CDK14: variants seen among roughly 807,000 people sequenced by gnomAD.
CDK14 encodes the protein cyclin-dependent kinase 14.
A neutral mutation model predicts 60.7 loss-of-function variants in CDK14; 34 were observed. That is an observed-to-expected ratio of 0.56 (90% CI 0.43 to 0.75). The LOEUF (loss-of-function observed/expected upper bound fraction) is 0.75, where lower values mean the gene tolerates loss of function less well. Ranked by LOEUF, CDK14 falls within the 30% of genes least tolerant of loss-of-function variation. The pLI, the probability that CDK14 is intolerant of heterozygous loss-of-function variation, is 0.00. For synonymous variants in CDK14, 197 were observed against 203.7 expected, an observed-to-expected ratio of 0.97 and a Z score of 0.28; for missense variants, 482 against 564.1, an observed-to-expected ratio of 0.85 and a Z score of 1.47.
chr7:91,173,116 G>A (rs1252257342), intron 14 of CDK14, among the ~76,000 whole-genome samples: 1 of 152,176 alleles, frequency 6.6e-6, no homozygotes. Context: ...GTCTTGAGCT[G>A]TGCAAACTTC....
intron 10 of CDK14, among the ~76,000 whole-genome samples, chr7:90,999,086 T>C (rs925044328): frequency 1.3e-5 from 2 of 151,976 alleles, no homozygotes. Flanking sequence ...AGTTCCATCA[T>C]GGGGGAGTTT....
At chr7:91,098,535 A>G (rs1309830173) in intron 12 of CDK14, among the ~76,000 whole-genome samples, 1 of 149,512 alleles carries the variant, frequency 6.7e-6, no homozygotes, top group African/African-American at 2.4e-5. Flanking sequence ...GAGAAAAAAA[A>G]AAAGAAATAA....
chr7:91,193,865 C>A (rs1369179646), intron 14 of CDK14, among the ~76,000 whole-genome samples: 1 of 152,144 alleles, frequency 6.6e-6, no homozygotes, highest in Non-Finnish European at 1.5e-5. Flanking sequence ...TCGTTACTCA[C>A]AGTTTTATGT....
chr7:90,603,340 A>G (rs183016193), intron 1 of CDK14, among the ~76,000 whole-genome samples: 10 of 152,314 alleles, frequency 6.6e-5, no homozygotes, highest in Admixed American at 6.5e-4. Flanking sequence ...TGGTCCCGCA[A>G]GTTTACAATA....
chr7:91,096,668 T>A lies in CDK14; in HGVS notation c.1155-15874T>A, dbSNP rs181354870. On this transcript the variant is annotated intron_variant, in intron 12 of 14. Transcript: ENST00000380050. ...AGCTCTTTTTTCCCTAAATTTGAAG[T>A]CTTGTTTTCTCCTCTTTTAATGGAA... 3.3e-5 allele frequency among the ~76,000 whole-genome samples: 5 copies of A among 152,318 alleles called. No homozygotes were observed. In the East Asian group the frequency reaches 5.8e-4, roughly 18 times the overall value.
At chr7:90,751,391 C>T (rs948168205) in intron 4 of CDK14, among the ~76,000 whole-genome samples, 7 of 152,178 alleles carry the variant, frequency 4.6e-5, no homozygotes, top group African/African-American at 1.2e-4. Flanking sequence ...AAATAAATCT[C>T]GGCCAAGAAT....
intron 12 of CDK14, among the ~76,000 whole-genome samples, chr7:91,083,693 A>T (rs1798545692): frequency 6.6e-6 from 1 of 152,198 alleles, no homozygotes; most frequent in South Asian, 2.1e-4. Context: ...GAAATTGCAG[A>T]TAGGATTCTT....
chr7:91,118,104 C>G lies in CDK14; in HGVS notation c.1334C>G (p.Pro445Arg). The G allele has an allele frequency of 6.2e-7, 1 of 1,613,350 alleles. No homozygotes were observed. Among genetic ancestry groups the G allele is most frequent in the Non-Finnish European group, 8.5e-7 (1 of 1,179,480 alleles). The stretch of plus-strand genomic sequence containing the variant: ...ACTGTCCCAAATGTGAGATTGCAAC[C>G]AGAAGCTGGAGAAAGCATGCGGGCC... ...IFTVPNVRLQ[P>R]EAGESMRAFG... is the part of the protein sequence containing the mutation. Residue 445 changes from proline (P) to arginine (R), a missense_variant, in exon 14 of 15, where the codon CCA becomes CGA. Coordinates refer to ENST00000380050, the MANE Select transcript of CDK14 (RefSeq NM_001287135.2).
At chr7:90,761,925 G>C (rs1804328355) in intron 4 of CDK14, among the ~76,000 whole-genome samples, 1 of 152,180 alleles carries the variant, frequency 6.6e-6, no homozygotes, top group Non-Finnish European at 1.5e-5. Context: ...CAGGTCCCCT[G>C]TTTTTATTAA....
At chr7:90,603,070 T>A (rs2037271721) in intron 1 of CDK14, among the ~76,000 whole-genome samples, 1 of 152,230 alleles carries the variant, frequency 6.6e-6, no homozygotes, top group African/African-American at 2.4e-5. Context: ...TTCCAATAGC[T>A]ACCCAAGTGC....
chr7:90,713,737 G>A (rs150883174), intron 2 of CDK14, among the ~76,000 whole-genome samples: 124 of 151,850 alleles, frequency 8.2e-4, no homozygotes, highest in Non-Finnish European at 1.7e-3. Flanking sequence ...AAGTCCCAGG[G>A]GACATGTACG....
intron 2 of CDK14, among the ~76,000 whole-genome samples, chr7:90,624,254 AT>A (rs1799831334): frequency 6.6e-6 from 1 of 152,152 alleles, no homozygotes; most frequent in African/African-American, 2.4e-5. Flanking sequence ...AAAGGTCAGG[AT>A]TTAAAGACAT....
chr7:90,733,342 T>C (rs112366028), intron 3 of CDK14, among the ~76,000 whole-genome samples: 23,597 of 152,162 alleles, frequency 0.16, 1,942 homozygotes, highest in Middle Eastern at 0.25. Context: ...TCTGTAGATA[T>C]CATTTAGGTC....
At chr7:90,893,749 G>T (rs1425819589) in intron 6 of CDK14, among the ~76,000 whole-genome samples, 1 of 152,174 alleles carries the variant, frequency 6.6e-6, no homozygotes, top group African/African-American at 2.4e-5. Context: ...TTTAGTTTAG[G>T]TAAAATAGAA....
chr7:90,955,913 T>C (rs1794395833), intron 9 of CDK14, 96 bp downstream of exon 9: 1 of 1,449,616 alleles, frequency 6.9e-7, no homozygotes, highest in Admixed American at 1.8e-5. Flanking sequence ...TGAAGATTAA[T>C]GGTGCAGGAG....
chr7:90,707,747 C>T (rs1355512292), intron 2 of CDK14, among the ~76,000 whole-genome samples: 1 of 152,154 alleles, frequency 6.6e-6, no homozygotes, highest in Non-Finnish European at 1.5e-5. Flanking sequence ...TCCTTCTTCT[C>T]CTGGGTAGTA....
chr7:90,718,003 A>G (rs1802313836), intron 2 of CDK14, among the ~76,000 whole-genome samples: 1 of 152,094 alleles, frequency 6.6e-6, no homozygotes, highest in African/African-American at 2.4e-5. Flanking sequence ...AGAATATATA[A>G]TAACATATAT....
Position 91,173,791 on chromosome 7 carries a change from G to T in CDK14, c.*29-33374G>T, listed in dbSNP as rs983249695. 7.7e-4 allele frequency among the ~76,000 whole-genome samples: 117 copies of T among 152,322 alleles called. 1 individual carries two copies. The highest frequency in any genetic ancestry group is 2.8e-3 in the African/African-American group (117 of 41,582). ...CACCACGAGATTATATCCCGCACCT[G>T]GCTCGGAGGGTCCTACGCCCACGGA... is the stretch of plus-strand genomic sequence containing the variant. On this transcript the variant is annotated intron_variant, in intron 14 of 14. Transcript: ENST00000380050.
chr7:90,885,741 A>G (rs1034382484), intron 6 of CDK14, among the ~76,000 whole-genome samples: 3 of 152,238 alleles, frequency 2.0e-5, no homozygotes, highest in Non-Finnish European at 4.4e-5. Flanking sequence ...AGCCGTAAAA[A>G]GAAATGAGAT....
Sources: allele counts gnomAD v4.1 joint callset (sites outside exome capture counted in the v4.1 genomes callset), GRCh38; gene constraint gnomAD v4.1.1; transcripts MANE v1.5; gene names NCBI Gene and HGNC (gene_info 2026-07-23, HGNC 2026-07-21).